The following SCAPER variants were observed in gnomAD, a reference collection of about 807,000 sequenced individuals.
SCAPER encodes S-phase cyclin A associated protein in the ER, also known as S phase cyclin A-associated protein in the endoplasmic reticulum.
In SCAPER, 98 loss-of-function variants were observed where a neutral mutation model predicts 182.2. The ratio of observed to expected loss-of-function variants is 0.54; its 90% CI spans 0.46 to 0.64. The LOEUF is 0.64. Among genes scored for constraint, SCAPER ranks in the 30% least tolerant of loss-of-function variants. SCAPER has a pLI of 0.00. For missense variants in SCAPER, 1,432 were observed against 1,690.0 expected, an observed-to-expected ratio of 0.85 and a Z score of 2.68; for synonymous variants, 605 against 564.6, an observed-to-expected ratio of 1.07 and a Z score of -1.01.
At chr15:76,763,825 T>C (rs1465401952) in intron 14 of SCAPER, among the ~76,000 whole-genome samples, 1 of 152,228 alleles carries the variant, frequency 6.6e-6, no homozygotes, top group African/African-American at 2.4e-5. Context: ...ACGGCTTCAC[T>C]TTCTTGATGT....
At chr15:76,546,392 G>A (rs1405923774) in intron 23 of SCAPER, among the ~76,000 whole-genome samples, 1 of 151,906 alleles carries the variant, frequency 6.6e-6, no homozygotes, top group Non-Finnish European at 1.5e-5. Context: ...AAAAAAATTT[G>A]TTGCCCAGGC....
At chr15:76,408,165 A>C (rs1457556070) in intron 26 of SCAPER, among the ~76,000 whole-genome samples, 1 of 152,204 alleles carries the variant, frequency 6.6e-6, no homozygotes, top group African/African-American at 2.4e-5. Flanking sequence ...GTCTCTTTTT[A>C]ATCTGTTAGC....
chr15:76,367,067 C>T (rs2041862468), intron 29 of SCAPER, among the ~76,000 whole-genome samples: 1 of 152,242 alleles, frequency 6.6e-6, no homozygotes. Context: ...CTGGCCATGA[C>T]TTCCCAATTC....
chr15:76,448,937 C>T (rs1171367147), intron 25 of SCAPER, among the ~76,000 whole-genome samples: 6 of 152,188 alleles, frequency 3.9e-5, no homozygotes, highest in Non-Finnish European at 7.3e-5. Flanking sequence ...CATCTCTCTT[C>T]TACTGGACAG....
intron 30 of SCAPER, among the ~76,000 whole-genome samples, chr15:76,352,696 C>A (rs1596264171): frequency 6.6e-6 from 1 of 151,890 alleles, no homozygotes; most frequent in Non-Finnish European, 1.5e-5. Context: ...GTGATCTGCT[C>A]ACCCCGGCCT....
chr15:76,809,474 T>G (rs1289543343), intron 5 of SCAPER, among the ~76,000 whole-genome samples: 1 of 151,536 alleles, frequency 6.6e-6, no homozygotes, highest in Non-Finnish European at 1.5e-5. Flanking sequence ...ACTAAAAATT[T>G]TAATATAGGG....
intron 17 of SCAPER, among the ~76,000 whole-genome samples, chr15:76,707,543 A>C (rs1024489561): frequency 2.6e-5 from 4 of 152,168 alleles, no homozygotes; most frequent in Admixed American, 2.0e-4. Context: ...TTTATAATGA[A>C]TCAATACCTC....
chr15:76,689,925 TAAAAAAA>T (rs550127904), intron 20 of SCAPER, among the ~76,000 whole-genome samples: 2 of 129,348 alleles, frequency 1.5e-5, no homozygotes, highest in Non-Finnish European at 3.3e-5. Context: ...TAACTCAAAG[TAAAAAAA>T]AAAAAAGTCC....
At chr15:76,549,352 C>A (rs1486608318) in intron 23 of SCAPER, among the ~76,000 whole-genome samples, 4 of 152,134 alleles carry the variant, frequency 2.6e-5, no homozygotes, top group African/African-American at 9.7e-5. Context: ...GACTTGGAAC[C>A]AACCCAAATG....
chr15:76,640,140 A>C (rs2053984324), intron 21 of SCAPER, among the ~76,000 whole-genome samples: 1 of 152,250 alleles, frequency 6.6e-6, no homozygotes, highest in Non-Finnish European at 1.5e-5. Flanking sequence ...GTTGCATTAC[A>C]TAAATCTATT....
intron 23 of SCAPER, among the ~76,000 whole-genome samples, chr15:76,536,452 A>C (rs12594577): frequency 0.41 from 61,728 of 152,170 alleles, 14,430 homozygotes; most frequent in Middle Eastern, 0.55. Flanking sequence ...CACTGTTCTT[A>C]TTTTAAAAAT....
intron 25 of SCAPER, among the ~76,000 whole-genome samples, chr15:76,443,218 A>G (rs892222736): frequency 6.6e-6 from 1 of 152,198 alleles, no homozygotes; most frequent in African/African-American, 2.4e-5. Flanking sequence ...AAAAATGTGT[A>G]TTTTGAAAAA....
chr15:76,760,736 A>G (rs1235391118), intron 14 of SCAPER, among the ~76,000 whole-genome samples: 2 of 152,162 alleles, frequency 1.3e-5, no homozygotes, highest in Non-Finnish European at 1.5e-5. Context: ...AGAAATTACA[A>G]AGATCATAGA....
At chr15:76,694,174 G>C (rs1422609299) in intron 20 of SCAPER, among the ~76,000 whole-genome samples, 1 of 151,734 alleles carries the variant, frequency 6.6e-6, no homozygotes, top group African/African-American at 2.4e-5. Context: ...TCTATAGATT[G>C]CTTTGGAGAG....
intron 1 of SCAPER, among the ~76,000 whole-genome samples, chr15:76,889,884 C>T (rs1366136234): frequency 1.3e-5 from 2 of 152,306 alleles, no homozygotes; most frequent in South Asian, 2.1e-4. Context: ...CTCAGCACCA[C>T]GTTGCACTTA....
chr15:76,581,639 T>A (rs1482994240), intron 22 of SCAPER, among the ~76,000 whole-genome samples: 1 of 152,174 alleles, frequency 6.6e-6, no homozygotes, highest in Non-Finnish European at 1.5e-5. Context: ...CAGGCTGGAG[T>A]GCAGTGGTGT....
At chr15:76,661,292 C>G (rs1035888966) in intron 21 of SCAPER, among the ~76,000 whole-genome samples, 1 of 152,030 alleles carries the variant, frequency 6.6e-6, no homozygotes, top group African/African-American at 2.4e-5. Flanking sequence ...GATGAAATCG[C>G]CAAAAGCAAC....
In SCAPER at chr15:76,482,661, G is replaced by A. The variant is rs573254500; in HGVS notation, c.2955-11326C>T. On this transcript the variant is annotated intron_variant, in intron 24 of 31. Coordinates refer to ENST00000563290, the MANE Select transcript of SCAPER (RefSeq NM_020843.4). Reference sequence around the variant, plus strand: ...ATAAGCAATTAAAGCAAAGCTGTAGGTCACACCTTGATAAAAGTCAACTGC... The same window carrying A: ...ATAAGCAATTAAAGCAAAGCTGTAGATCACACCTTGATAAAAGTCAACTGC... Among the ~76,000 whole-genome samples the A allele has an allele frequency of 1.1e-4, 17 of 152,252 alleles. 1 individual carries two copies. In the East Asian group the frequency reaches 2.9e-3, roughly 26 times the overall value.
chr15:76,809,857 A>G (rs1389951729), intron 5 of SCAPER, among the ~76,000 whole-genome samples: 2 of 152,356 alleles, frequency 1.3e-5, no homozygotes, highest in Non-Finnish European at 2.9e-5. Flanking sequence ...AGACAGTAAA[A>G]CAAAAGTTAC....
Sources: allele counts gnomAD v4.1 joint callset (sites outside exome capture counted in the v4.1 genomes callset), GRCh38; gene constraint gnomAD v4.1.1; transcripts MANE v1.5; gene names NCBI Gene and HGNC (gene_info 2026-07-23, HGNC 2026-07-21).